Variants in PNPLA8 observed in about 807,000 individuals in gnomAD.
PNPLA8 encodes patatin like domain 8, phospholipase A2.
A neutral mutation model predicts 76.9 loss-of-function variants in PNPLA8; 39 were observed. The ratio of observed to expected loss-of-function variants is 0.51; its 90% CI spans 0.39 to 0.66. PNPLA8 has a LOEUF of 0.66. Among genes scored for constraint, PNPLA8 ranks in the 30% least tolerant of loss-of-function variants. The pLI is 0.00. For synonymous variants in PNPLA8, 301 were observed against 307.9 expected, an observed-to-expected ratio of 0.98 and a Z score of 0.24; for missense variants, 887 against 918.0, an observed-to-expected ratio of 0.97 and a Z score of 0.44.
At chr7:108,482,930 T>A (rs1860499124) in intron 9 of PNPLA8, among the ~76,000 whole-genome samples, 2 of 152,196 alleles carry the variant, frequency 1.3e-5, no homozygotes, top group Non-Finnish European at 2.9e-5. Flanking sequence ...TCATGTAGGA[T>A]TTTGCCCTAC....
At chr7:108,487,730 A>T (rs759380912) in intron 9 of PNPLA8, 29 bp downstream of exon 9, 16 of 1,436,476 alleles carry the variant, frequency 1.1e-5, no homozygotes, top group Non-Finnish European at 1.3e-5. Context: ...TGTAAAATTT[A>T]AAAAAATAAG....
In PNPLA8 at chr7:108,516,296, T is replaced by C. The variant is rs146656474; in HGVS notation, c.-83-722A>G. On this transcript the variant is annotated intron_variant, in intron 2 of 10. Transcript: ENST00000257694. ...TAGATCAATGGAACAGAATAGAGAG[T>C]CCAGAAACAGACCCAATTAAATACA... Among the ~76,000 whole-genome samples the C allele has an allele frequency of 2.6e-5, 4 of 151,636 alleles. No homozygotes were observed. In the South Asian group the frequency reaches 6.3e-4, roughly 24 times the overall value.
chr7:108,493,551 C>A (rs912506103), intron 7 of PNPLA8, among the ~76,000 whole-genome samples: 4 of 149,552 alleles, frequency 2.7e-5, no homozygotes, highest in Non-Finnish European at 5.9e-5. Context: ...ACTACAGGCG[C>A]CCGCCCCCAT....
rs140010463 is a variant in PNPLA8, at chr7:108,514,600, C to T, written c.892G>A (p.Val298Ile). 212 of 1,614,052 alleles carry T rather than the reference C, an allele frequency of 1.3e-4. 1 individual carries two copies. The African/African-American group carries it at 2.5e-3, about 19-fold the overall frequency. Residue 298 changes from valine to isoleucine, a missense_variant, in exon 3 of 11, where the codon GTA becomes ATA. Val to Ile is a conservative substitution (Grantham distance 29). Transcript: ENST00000257694. The stretch of plus-strand genomic sequence containing the variant: ...ATATAACCACCTACTAAAGCTTGTA[C>T]ACCTTCCGTGGGACGAGAAAGAAAG... ...ANFLSRPTEG[V>I]QALVGGYIGG...
rs746324578 is a variant in PNPLA8, at chr7:108,515,255, TA to T, written c.236del (p.Leu79TyrfsTer6). 6.2e-7 allele frequency: 1 copy of T among 1,603,266 alleles called. No homozygotes were observed. Among genetic ancestry groups the T allele is most frequent in the Non-Finnish European group, 8.5e-7 (1 of 1,174,142 alleles). On this transcript the variant is annotated frameshift_variant, in exon 3 of 11. Transcript: ENST00000257694. LOFTEE classifies it high-confidence loss of function. ...TGCTAAGTTTCAAAATCCCAATATG[TA>T]AACCATGGTTGCTTGGAGAGTAACA... Reference protein sequence around the residue: ...KHCYSPSNHGLHIGILKLSTS... With the variant: ...KHCYSPSNHGXHIGILKLSTS...
At chr7:108,505,328 ATATATATATATATATATATATATATTT>A (rs1862294424) in intron 4 of PNPLA8, among the ~76,000 whole-genome samples, 3 of 5,486 alleles carry the variant, frequency 5.5e-4, no homozygotes, top group African/African-American at 8.8e-4. Flanking sequence ...ATATATATAT[ATATATATATATATATATATATATATTT>A]TTTTTTTTTT....
chr7:108,502,269 C>G (rs866939796), intron 5 of PNPLA8, among the ~76,000 whole-genome samples: 21 of 151,466 alleles, frequency 1.4e-4, no homozygotes, highest in South Asian at 2.1e-4. Flanking sequence ...ATGGTGAAAC[C>G]CTGTCTCCAC....
intron 8 of PNPLA8, among the ~76,000 whole-genome samples, chr7:108,490,587 T>A (rs1861081030): frequency 6.6e-6 from 1 of 151,928 alleles, no homozygotes; most frequent in East Asian, 1.9e-4. Context: ...ATCGAGACTA[T>A]CCTGGCTAAC....
At chr7:108,487,679 G>T in intron 9 of PNPLA8, 80 bp downstream of exon 9, 1 of 772,408 alleles carries the variant, frequency 1.3e-6, no homozygotes, top group Non-Finnish European at 2.0e-6. Flanking sequence ...TGATCCTTCT[G>T]AAGATCAATG....
intron 8 of PNPLA8, among the ~76,000 whole-genome samples, chr7:108,488,980 T>A (rs2154515221): frequency 6.6e-6 from 1 of 152,374 alleles, no homozygotes; most frequent in South Asian, 2.1e-4. Context: ...AGTCTGTCTC[T>A]AGGCCACTAT....
chr7:108,507,360 A>G (rs1195574578), intron 4 of PNPLA8, among the ~76,000 whole-genome samples: 2 of 150,720 alleles, frequency 1.3e-5, no homozygotes, highest in African/African-American at 4.9e-5. Flanking sequence ...AAAAAAAAAA[A>G]AAAAAAGAAA....
intron 4 of PNPLA8, chr7:108,502,864 A>G (rs1862067631): frequency 5.9e-6 from 2 of 339,400 alleles, no homozygotes; most frequent in African/African-American, 2.1e-5. Context: ...ACCAATATTC[A>G]AAAGTTTTCA....
intron 4 of PNPLA8, among the ~76,000 whole-genome samples, chr7:108,511,955 T>C (rs1190192334): frequency 6.6e-6 from 1 of 152,206 alleles, no homozygotes; most frequent in African/African-American, 2.4e-5. Flanking sequence ...ATACAGAAGG[T>C]TGTACTTTTC....
chr7:108,475,818 C>T lies in PNPLA8; in HGVS notation c.2075-3143G>A, dbSNP rs181901838. On this transcript the variant is annotated intron_variant, in intron 10 of 10. Transcript: ENST00000257694. ...CCTCATTCATTCTCCTTTCAGAGAT[C>T]GCTGTCCTATGTTACCTGTTTTCTC... 6.6e-5 allele frequency among the ~76,000 whole-genome samples: 10 copies of T among 152,300 alleles called. No homozygotes were observed. The South Asian group carries it at 1.2e-3, about 19-fold the overall frequency.
intron 8 of PNPLA8, among the ~76,000 whole-genome samples, chr7:108,490,061 T>C (rs945125805): frequency 2.6e-5 from 4 of 152,252 alleles, no homozygotes; most frequent in African/African-American, 7.2e-5. Context: ...CGGGCTTCTA[T>C]GCTGTATTTT....
upstream of PNPLA8, among the ~76,000 whole-genome samples, chr7:108,527,552 G>A (rs1490898798): frequency 6.6e-6 from 1 of 152,138 alleles, no homozygotes; most frequent in Non-Finnish European, 1.5e-5. Flanking sequence ...ATTGCAATAG[G>A]TGCCATGACT....
intron 9 of PNPLA8, 153 bp from the exon 10 acceptor site, chr7:108,479,532 G>A (rs1175945035): frequency 1.1e-5 from 7 of 626,944 alleles, no homozygotes; most frequent in Non-Finnish European, 1.7e-5. Flanking sequence ...TCCATGCGAA[G>A]ACTCATTGGT....
chr7:108,490,094 T>A lies in PNPLA8; in HGVS notation c.1683+1316A>T, dbSNP rs535695220. The stretch of plus-strand genomic sequence containing the variant: ...TTTTCACTGTATCTTTCTATAGATA[T>A]TTTTTATCTAGATATTTGTATATCT... On this transcript the variant is annotated intron_variant, in intron 8 of 10. Transcript: ENST00000257694. 1.1e-4 allele frequency among the ~76,000 whole-genome samples: 17 copies of A among 152,358 alleles called. No homozygotes were observed. The South Asian group carries it at 3.3e-3, about 30-fold the overall frequency.
intron 7 of PNPLA8, 56 bp from the exon 8 acceptor site, chr7:108,491,523 C>T: frequency 1.9e-6 from 2 of 1,066,802 alleles, no homozygotes; most frequent in Non-Finnish European, 2.9e-6. Flanking sequence ...CTCCTAACAA[C>T]CAGGAAACAT....
Sources: gnomAD v4.1 joint callset for allele counts (sites outside exome capture counted in the v4.1 genomes callset) on GRCh38, gnomAD v4.1.1 for gene constraint, MANE v1.5 for transcripts, NCBI Gene and HGNC (gene_info 2026-07-23, HGNC 2026-07-21) for gene names.